The following CROCC variants were observed in gnomAD, a reference collection of about 807,000 sequenced individuals.
The protein encoded by CROCC is ciliary rootlet coiled-coil, rootletin.
In CROCC, 180 loss-of-function variants were observed where a neutral mutation model predicts 245.2. That is an observed-to-expected ratio of 0.73 (90% confidence interval 0.65 to 0.83). The LOEUF (loss-of-function observed/expected upper bound fraction) is 0.83, where lower values mean the gene tolerates loss of function less well. Ranked by LOEUF, CROCC falls within the 40% of genes least tolerant of loss-of-function variation. The probability of loss-of-function intolerance (pLI) is 0.00; values close to 1 mark genes in which losing one functional copy is unlikely to be tolerated. For synonymous variants in CROCC, 1,205 were observed against 1,241.6 expected, an observed-to-expected ratio of 0.97 and a Z score of 0.62; for missense variants, 2,688 against 2,779.4, an observed-to-expected ratio of 0.97 and a Z score of 0.74.
At chr1:16,947,468 CAATAATAATAATAAT>C (rs71006403) in intron 17 of CROCC, among the ~76,000 whole-genome samples, 1,127 of 147,464 alleles carry the variant, frequency 7.6e-3, no homozygotes, top group African/African-American at 0.026. Flanking sequence ...GACTCCGTCT[CAATAATAATAATAAT>C]AATAATAATA....
chr1:16,935,828 T>A (rs6586571), intron 8 of CROCC, among the ~76,000 whole-genome samples: 1 of 152,276 alleles, frequency 6.6e-6, no homozygotes, highest in South Asian at 2.1e-4. Flanking sequence ...TCACCAGGAT[T>A]TCTTACATGA....
chr1:16,970,007 C>A, intron 33 of CROCC, 73 bp downstream of exon 33: 1 of 1,497,472 alleles, frequency 6.7e-7, no homozygotes, highest in South Asian at 1.4e-5. Flanking sequence ...CGTTCCCACC[C>A]ATCTCAACCT....
At chr1:16,945,211 T>C (rs7528179) in intron 14 of CROCC, among the ~76,000 whole-genome samples, 121 of 152,392 alleles carry the variant, frequency 7.9e-4, no homozygotes, top group Non-Finnish European at 1.5e-3. Context: ...CCAGCCTGTG[T>C]GACAGAGCAA....
chr1:16,946,475 C>T, intron 16 of CROCC, 70 bp downstream of exon 16: 1 of 1,569,438 alleles, frequency 6.4e-7, no homozygotes, highest in Non-Finnish European at 8.7e-7. Context: ...GCACCCCGGG[C>T]CCAGCCCTGT....
chr1:16,956,759 C>T (rs1304484235), intron 25 of CROCC, among the ~76,000 whole-genome samples: 1 of 152,030 alleles, frequency 6.6e-6, no homozygotes, highest in Non-Finnish European at 1.5e-5. Context: ...AACTCAGACC[C>T]TTGTAGAAAC....
intron 2 of CROCC, among the ~76,000 whole-genome samples, chr1:16,923,517 C>T (rs749038363): frequency 2.2e-4 from 33 of 152,304 alleles, no homozygotes; most frequent in African/African-American, 6.3e-4. Flanking sequence ...CCGCTTCTCC[C>T]GCTGGCCTTT....
chr1:16,924,111 A>G (rs2075474151), intron 2 of CROCC, among the ~76,000 whole-genome samples: 1 of 152,282 alleles, frequency 6.6e-6, no homozygotes, highest in South Asian at 2.1e-4. Flanking sequence ...CTGCTGGGCC[A>G]CACTTTAGCT....
intron 8 of CROCC, among the ~76,000 whole-genome samples, chr1:16,934,862 A>G (rs1443912568): frequency 6.9e-6 from 1 of 145,802 alleles, no homozygotes; most frequent in African/African-American, 2.5e-5. Flanking sequence ...TTGGCCACCA[A>G]GTTACCATGA....
At chr1:16,927,875 T>C (rs1161094364) in intron 3 of CROCC, among the ~76,000 whole-genome samples, 3 of 152,274 alleles carry the variant, frequency 2.0e-5, no homozygotes, top group African/African-American at 7.2e-5. Context: ...TCCTCCAGAC[T>C]CAGGGGGAAG....
At position 16,936,733 on chromosome 1, in the gene CROCC, C is replaced by A; in HGVS notation, c.1053C>A (p.Ser351Arg). ...GLSTGLRLAE[S>R]RAEAALEKQA... Reference sequence around the variant, plus strand: ...GCACGGGCCTACGGCTGGCAGAGAGCCGGGCCGAGGCAGCCCTGGAGAAAC... The same window carrying A: ...GCACGGGCCTACGGCTGGCAGAGAGACGGGCCGAGGCAGCCCTGGAGAAAC... Residue 351 changes from serine to arginine, a missense_variant, in exon 9 of 37, where the codon AGC (serine) becomes AGA (arginine). Coordinates refer to ENST00000375541, the MANE Select transcript of CROCC (RefSeq NM_014675.5). The A allele has an allele frequency of 6.2e-7, 1 of 1,608,454 alleles. No homozygotes were observed. Among genetic ancestry groups the A allele is most frequent in the Non-Finnish European group, 8.5e-7 (1 of 1,178,478 alleles).
chr1:16,930,963 G>GTAAA (rs2075663109), intron 7 of CROCC, among the ~76,000 whole-genome samples: 1 of 152,290 alleles, frequency 6.6e-6, no homozygotes. Flanking sequence ...CTCCAAATAA[G>GTAAA]TAAATAAATA....
chr1:16,920,935 G>A (rs1418589184), upstream of CROCC, among the ~76,000 whole-genome samples: 4 of 152,332 alleles, frequency 2.6e-5, no homozygotes, highest in Middle Eastern at 3.4e-3. Context: ...GTAGAGACGG[G>A]GTTTCACCAT....
rs2100455428 is a variant in CROCC at position 16,945,601 on chromosome 1, A to G, written c.2131A>G (p.Thr711Ala). The G allele has an allele frequency of 6.2e-7, 1 of 1,612,174 alleles. No homozygotes were observed. Among genetic ancestry groups the G allele is most frequent in the Non-Finnish European group, 8.5e-7 (1 of 1,179,632 alleles). The change falls in exon 15 of 37, where the codon ACC becomes GCC. Residue 711 changes from threonine to alanine, a missense_variant. Coordinates refer to ENST00000375541, the MANE Select transcript of CROCC (RefSeq NM_014675.5). Reference protein sequence around the residue: ...AEKAEVAEALTKAEAGRVELE... With the variant: ...AEKAEVAEALAKAEAGRVELE... The stretch of plus-strand genomic sequence containing the variant: ...GAAGGCCGAGGTGGCCGAGGCGCTG[A>G]CCAAGGTGGGTCCCTGTCTGCTGCA...
intron 2 of CROCC, among the ~76,000 whole-genome samples, chr1:16,923,339 T>C (rs1449864047): frequency 1.3e-5 from 2 of 152,260 alleles, no homozygotes; most frequent in African/African-American, 4.8e-5. Flanking sequence ...AACCATTGTC[T>C]GTGTTCAACT....
At chr1:16,922,554 G>A (rs545611210) in intron 1 of CROCC, 109 bp from the exon 2 acceptor site, 25 of 1,428,522 alleles carry the variant, frequency 1.8e-5, no homozygotes, top group African/African-American at 1.4e-4. Context: ...CATCTTGAGG[G>A]GGCTCCTGGG....
At position 16,955,307 on chromosome 1, in the gene CROCC, C is replaced by T. The variant is rs1352128999; in HGVS notation, c.3466-5C>T. On this transcript the variant is annotated splice_region_variant and splice_polypyrimidine_tract_variant and intron_variant, in intron 23 of 36. Coordinates refer to ENST00000375541, the MANE Select transcript of CROCC (RefSeq NM_014675.5). ...CTGCCCTGGGGACACCTGCTGTGCT[C>T]ACAGGCAGAAGAGCTTCGGACCCAG... is the stretch of plus-strand genomic sequence containing the variant. The T allele has an allele frequency of 3.1e-6, 5 of 1,606,786 alleles. No homozygotes were observed. Among genetic ancestry groups the T allele is most frequent in the Middle Eastern group, 1.7e-4 (1 of 5,976 alleles).
chr1:16,929,733 G>A (rs1440516918), intron 3 of CROCC, 113 bp from the exon 4 acceptor site: 1 of 1,426,918 alleles, frequency 7.0e-7, no homozygotes, highest in Non-Finnish European at 9.1e-7. Flanking sequence ...AGGGCGCCAG[G>A]CTATCAGCCT....
At chr1:16,968,139 G>C in intron 30 of CROCC, 64 bp from the exon 31 acceptor site, 1 of 1,490,670 alleles carries the variant, frequency 6.7e-7, no homozygotes, top group Non-Finnish European at 9.1e-7. Flanking sequence ...AGGGCCCCAG[G>C]GCGTGTGCGG....
intron 1 of CROCC, among the ~76,000 whole-genome samples, chr1:16,916,364 T>C (rs1226045480): frequency 6.6e-6 from 1 of 152,120 alleles, no homozygotes; most frequent in African/African-American, 2.4e-5. Context: ...GAAACTTGAG[T>C]GGGTGAGGGG....
Sources: gnomAD v4.1 joint callset for allele counts (sites outside exome capture counted in the v4.1 genomes callset) on GRCh38, gnomAD v4.1.1 for gene constraint, MANE v1.5 for transcripts, NCBI Gene and HGNC (gene_info 2026-07-23, HGNC 2026-07-21) for gene names.